The following OR1D2 variants were observed in gnomAD, a reference collection of about 807,000 sequenced individuals.
OR1D2 encodes olfactory receptor family 1 subfamily D member 2.
For synonymous variants in OR1D2, 157 were observed against 153.9 expected (o/e 1.02, Z -0.15); for missense variants, 357 against 376.1 (o/e 0.95, Z 0.42).
At position 3,090,650 on chromosome 17, in the gene OR1D2, A is replaced by T. The variant is rs2047801133; in HGVS notation, c.*1408T>A. 2.0e-5 allele frequency: 3 copies of T among 152,222 alleles called. No homozygotes were observed. Among genetic ancestry groups the T allele is most frequent in the Admixed American group, 2.0e-4 (3 of 15,286 alleles). The allele number at this position is 152,222 out of a possible 1,614,324, so 9.4% of individuals were successfully genotyped here. On this transcript the variant is annotated 3_prime_UTR_variant, in exon 2 of 2. Transcript: ENST00000641833. ...GTTTTTCACCAGTCAGCTTAGCCAG[A>T]TATTCTGGGCTGGCCAGTTGGCAGG...
chr17:3,091,933 T>C lies in OR1D2; in HGVS notation c.*125A>G, dbSNP rs35201992. On this transcript the variant is annotated 3_prime_UTR_variant, in exon 2 of 2. Coordinates refer to ENST00000641833, the MANE Select transcript of OR1D2 (RefSeq NM_002548.3). ...AATATGTCTTTTTTATCACCACATA[T>C]CTATATGCTGTCTCTGAGCTGGAGC... 9,602 of 736,088 alleles carry C rather than the reference T, an allele frequency of 0.013. 100 individuals are homozygous for C. Among genetic ancestry groups the C allele is most frequent in the Middle Eastern group, 0.019 (47 of 2,520 alleles). 45.6% of individuals were successfully genotyped at this position (736,088 alleles called of 1,614,324 possible).
At chr17:3,095,145 A>T (rs961677951) in intron 1 of OR1D2, among the ~76,000 whole-genome samples, 10 of 152,168 alleles carry the variant, frequency 6.6e-5, no homozygotes, top group Non-Finnish European at 1.5e-4. Flanking sequence ...AAAAAACTAC[A>T]CATATAGGAA....
intron 1 of OR1D2, 146 bp from the exon 2 acceptor site, chr17:3,093,192 C>T: frequency 1.6e-6 from 1 of 613,122 alleles, no homozygotes; most frequent in Non-Finnish European, 2.9e-6. Flanking sequence ...TCAGCTACTT[C>T]AAAGCTGGGA....
Position 3,090,232 on chromosome 17 carries a change from T to C in OR1D2, c.*1826A>G, listed in dbSNP as rs2047798433. The C allele has an allele frequency of 6.6e-6, 1 of 152,230 alleles. No individual in the cohort carries two copies. The highest frequency in any genetic ancestry group is 2.1e-4 in the South Asian group (1 of 4,830). The allele number at this position is 152,230 out of a possible 1,614,324, so 9.4% of individuals were successfully genotyped here. A position where few individuals can be genotyped will look rare whatever the true frequency, so the allele number is the denominator to read the frequency against. On this transcript the variant is annotated 3_prime_UTR_variant, in exon 2 of 2. Coordinates refer to ENST00000641833, the MANE Select transcript of OR1D2 (RefSeq NM_002548.3). The stretch of plus-strand genomic sequence containing the variant: ...ATTCTTTCTTCTGTTTCTTCATATC[T>C]GCTGCTGAAGCTCTTTTGAGTTTTT...
Position 3,092,446 on chromosome 17 carries a change from A to G in OR1D2, c.551T>C (p.Leu184Ser), listed in dbSNP as rs1270514985. ...IHYIFCEMYV[L>S]LRMACSNIQI... ...AATGTTGGAACATGCCATCCTCAGCAATACATACATCTCACAGAAGATGTA... is the reference window on the plus strand; with the variant it reads ...AATGTTGGAACATGCCATCCTCAGCGATACATACATCTCACAGAAGATGTA... Residue 184 changes from leucine to serine, a missense_variant, in exon 2 of 2, where the codon TTG becomes TCG. By Grantham distance (145) the Leu-to-Ser change is moderately radical (BLOSUM62 -2). Transcript: ENST00000641833. The G allele has an allele frequency of 1.9e-6, 3 of 1,614,210 alleles. No individual in the cohort carries two copies. The South Asian group carries it at 3.3e-5, about 18-fold the overall frequency.
rs1433851992 is a variant in OR1D2, at chr17:3,091,881, A to T, written c.*177T>A. 1.1e-5 allele frequency: 6 copies of T among 570,614 alleles called. No individual in the cohort carries two copies. Among genetic ancestry groups the T allele is most frequent in the African/African-American group, 3.7e-5 (2 of 53,370 alleles). The allele number at this position is 570,614 out of a possible 1,614,324, so 35.3% of individuals were successfully genotyped here. On this transcript the variant is annotated 3_prime_UTR_variant, in exon 2 of 2. Coordinates refer to ENST00000641833, the MANE Select transcript of OR1D2 (RefSeq NM_002548.3). ...GTGACCTTATTTACGGCCAAGGCTG[A>T]TGAGACCTGGGGGACACCAGGTTAC...
intron 1 of OR1D2, among the ~76,000 whole-genome samples, chr17:3,093,576 T>C (rs997321210): frequency 6.6e-6 from 1 of 152,182 alleles, no homozygotes; most frequent in Non-Finnish European, 1.5e-5. Flanking sequence ...AGTTTCTTCA[T>C]GCGAATCATG....
intron 1 of OR1D2, among the ~76,000 whole-genome samples, chr17:3,096,529 G>A (rs565936070): frequency 6.6e-6 from 1 of 152,332 alleles, no homozygotes; most frequent in East Asian, 1.9e-4. Context: ...TTGGGAGGCT[G>A]AGGTAGGAGA....
At chr17:3,096,683 T>C (rs998490193) in intron 1 of OR1D2, among the ~76,000 whole-genome samples, 3 of 152,194 alleles carry the variant, frequency 2.0e-5, no homozygotes, top group African/African-American at 7.2e-5. Context: ...GAAGAAGATA[T>C]AACAATTGTA....
chr17:3,103,235 C>T (rs4790428), intron 1 of OR1D2, among the ~76,000 whole-genome samples: 36,182 of 151,872 alleles, frequency 0.24, 6,128 homozygotes, highest in African/African-American at 0.48. Flanking sequence ...TTCCTTTTTT[C>T]TTCTTTCTTT....
Position 3,092,453 on chromosome 17 carries a change from A to C in OR1D2, c.544T>G (p.Tyr182Asp). ...GAACATGCCATCCTCAGCAATACAT[A>C]CATCTCACAGAAGATGTAGTGGATT... ...RKIHYIFCEM[Y>D]VLLRMACSNI... is the part of the protein sequence containing the mutation. The change falls in exon 2 of 2, where the codon TAT (tyrosine) becomes GAT (aspartate). Residue 182 changes from tyrosine to aspartate, a missense_variant. By Grantham distance (160) the Tyr-to-Asp change is radical. Transcript: ENST00000641833. The C allele has an allele frequency of 6.2e-7, 1 of 1,614,204 alleles. No homozygotes were observed. Among genetic ancestry groups the C allele is most frequent in the South Asian group, 1.1e-5 (1 of 91,084 alleles).
At position 3,091,255 on chromosome 17, in the gene OR1D2, G is replaced by A. The variant is rs1341055318; in HGVS notation, c.*803C>T. On this transcript the variant is annotated 3_prime_UTR_variant, in exon 2 of 2. Transcript: ENST00000641833. ...CTTGTTGACATCACTCCTTTCACCC[G>A]TTTTGAAATATCTTTTACCTGATGT... 2.6e-5 allele frequency: 4 copies of A among 152,114 alleles called. No individual in the cohort carries two copies. Among genetic ancestry groups the A allele is most frequent in the East Asian group, 1.9e-4 (1 of 5,204 alleles). The allele number at this position is 152,114 out of a possible 1,614,324, so 9.4% of individuals were successfully genotyped here.
At chr17:3,100,055 T>C (rs998146796) in intron 1 of OR1D2, among the ~76,000 whole-genome samples, 4 of 152,146 alleles carry the variant, frequency 2.6e-5, no homozygotes, top group African/African-American at 9.6e-5. Flanking sequence ...CTACAAAGAC[T>C]CATAGACTTT....
In OR1D2 at chr17:3,092,153, G is replaced by C; in HGVS notation, c.844C>G (p.Pro282Ala). 1 of 1,614,124 alleles carries C rather than the reference G, an allele frequency of 6.2e-7. No homozygotes were observed. Among genetic ancestry groups the C allele is most frequent in the Non-Finnish European group, 8.5e-7 (1 of 1,180,002 alleles). Reference protein sequence around the residue: ...VATVMYAVVTPMMNPFIYSLR... With the variant: ...VATVMYAVVTAMMNPFIYSLR... ...CTGTAGATGAAGGGATTCATCATGG[G>C]TGTCACCACAGCATACATCACTGTG... The change falls in exon 2 of 2, where the codon CCC becomes GCC. Residue 282 changes from proline to alanine, a missense_variant. Coordinates refer to ENST00000641833, the MANE Select transcript of OR1D2 (RefSeq NM_002548.3).
chr17:3,095,497 T>C (rs2047840014), intron 1 of OR1D2, among the ~76,000 whole-genome samples: 1 of 152,052 alleles, frequency 6.6e-6, no homozygotes, highest in Non-Finnish European at 1.5e-5. Flanking sequence ...ACCTATCTTA[T>C]AAAAACTACT....
rs561141779 is a variant in OR1D2 at position 3,100,078 on chromosome 17, G to A, written c.-51+4021C>T. Among the ~76,000 whole-genome samples the A allele has an allele frequency of 6.6e-5, 10 of 152,054 alleles. No individual in the cohort carries two copies. In the South Asian group the frequency reaches 1.2e-3, roughly 19 times the overall value. On this transcript the variant is annotated intron_variant, in intron 1 of 1. Coordinates refer to ENST00000641833, the MANE Select transcript of OR1D2 (RefSeq NM_002548.3). Reference sequence around the variant, plus strand: ...ACTCATAGACTTTATGTGTCTATGCGTCTTTAAAGTGGGAGACTTTAACAC... The same window carrying A: ...ACTCATAGACTTTATGTGTCTATGCATCTTTAAAGTGGGAGACTTTAACAC...
chr17:3,097,853 G>A (rs1009094630), intron 1 of OR1D2, among the ~76,000 whole-genome samples: 2 of 152,138 alleles, frequency 1.3e-5, no homozygotes, highest in African/African-American at 2.4e-5. Flanking sequence ...CTGGGAGACT[G>A]GTTGACTTGG....
rs1163706565 is a variant in OR1D2 at position 3,092,702 on chromosome 17, T to C, written c.295A>G (p.Thr99Ala). Reference protein sequence around the residue: ...NKAISYAGCLTQLYFLVSLVA... With the variant: ...NKAISYAGCLAQLYFLVSLVA... Reference sequence around the variant, plus strand: ...AAGGAGACCAGGAAGTAGAGCTGTGTCAGACACCCTGCATAGGAGATGGCT... The same window carrying C: ...AAGGAGACCAGGAAGTAGAGCTGTGCCAGACACCCTGCATAGGAGATGGCT... The change falls in exon 2 of 2, where the codon ACA (threonine) becomes GCA (alanine). Residue 99 changes from threonine to alanine, a missense_variant. Thr to Ala is a moderately conservative substitution (Grantham distance 58, BLOSUM62 0). Transcript: ENST00000641833. The C allele has an allele frequency of 2.5e-6, 4 of 1,613,922 alleles. No individual in the cohort carries two copies. The highest frequency in any genetic ancestry group is 4.5e-5 in the East Asian group (2 of 44,892).
Position 3,092,060 on chromosome 17 carries a change from A to T in OR1D2, c.937T>A (p.Ter313ArgextTer45), listed in dbSNP as rs2047812787. Reference sequence around the variant, plus strand: ...AATGCTGTCTTTCCAAATTGCCCTCATGTCAGCCTCTTAAAGTGTTTATCT... The same window carrying T: ...AATGCTGTCTTTCCAAATTGCCCTCTTGTCAGCCTCTTAAAGTGTTTATCT... The part of the protein sequence containing the change: ...LLDKHFKRLT[*>R] Residue 313 changes from the stop codon to arginine (R), a stop_lost, in exon 2 of 2, where the codon TGA (stop) becomes AGA (arginine). Coordinates refer to ENST00000641833, the MANE Select transcript of OR1D2 (RefSeq NM_002548.3). 2.5e-6 allele frequency: 4 copies of T among 1,601,830 alleles called. No homozygotes were observed. The highest frequency in any genetic ancestry group is 3.4e-6 in the Non-Finnish European group (4 of 1,174,298).
Sources: allele counts gnomAD v4.1 joint callset (sites outside exome capture counted in the v4.1 genomes callset), GRCh38; gene constraint gnomAD v4.1.1; transcripts MANE v1.5; gene names NCBI Gene and HGNC (gene_info 2026-07-23, HGNC 2026-07-21).